ADD3: variants seen among roughly 807,000 people sequenced by gnomAD.
ADD3 encodes the protein gamma-adducin.
Under a neutral mutation model 80.2 loss-of-function variants are expected in ADD3, and 25 were observed. The ratio of observed to expected loss-of-function variants is 0.31; its 90% CI spans 0.23 to 0.44. ADD3 has a LOEUF of 0.44. Ranked by LOEUF, ADD3 falls within the 20% of genes least tolerant of loss-of-function variation. The pLI is 1.00. For missense variants in ADD3, 829 were observed against 847.5 expected (o/e 0.98, Z 0.27); for synonymous variants, 284 against 289.6 (o/e 0.98, Z 0.20).
chr10:110,035,922 C>T (rs1311793792), intron 1 of ADD3, among the ~76,000 whole-genome samples: 12 of 152,016 alleles, frequency 7.9e-5, no homozygotes, highest in South Asian at 6.2e-4. Context: ...GAGGCTGAAG[C>T]GGCAGATCAC....
At chr10:110,119,706 T>A in intron 8 of ADD3, 142 bp downstream of exon 8, 1 of 656,712 alleles carries the variant, frequency 1.5e-6, no homozygotes, top group South Asian at 2.0e-5. Context: ...TAGGCAGGGT[T>A]TTCAACTCAG....
chr10:110,035,651 G>A (rs1166450708), intron 1 of ADD3, among the ~76,000 whole-genome samples: 1 of 152,040 alleles, frequency 6.6e-6, no homozygotes, highest in Non-Finnish European at 1.5e-5. Context: ...AGCATGCATT[G>A]GAAGCACCTG....
chr10:110,026,199 C>G (rs1391034573), intron 1 of ADD3, among the ~76,000 whole-genome samples: 1 of 151,776 alleles, frequency 6.6e-6, no homozygotes, highest in Non-Finnish European at 1.5e-5. Context: ...AAATGAGAAA[C>G]AGTTCCACCC....
chr10:110,038,657 A>T (rs1855943604), intron 1 of ADD3, among the ~76,000 whole-genome samples: 1 of 152,300 alleles, frequency 6.6e-6, no homozygotes, highest in South Asian at 2.1e-4. Context: ...ACATATACAT[A>T]TATATGTTAA....
rs1843466541 is a variant in ADD3, at chr10:110,063,648, A to G, written c.-29-36977A>G. ...CTTTTAAATCACTTAATTTTTTCAG[A>G]TAAACTTTTAAATGCAAGTTTAACA... is the stretch of plus-strand genomic sequence containing the variant. On this transcript the variant is annotated intron_variant, in intron 1 of 14. Coordinates refer to ENST00000356080, the MANE Select transcript of ADD3 (RefSeq NM_016824.5). Among the ~76,000 whole-genome samples the G allele has an allele frequency of 4.0e-5, 6 of 149,108 alleles. No homozygotes were observed. The South Asian group carries it at 1.3e-3, about 32-fold the overall frequency.
chr10:110,038,469 A>G (rs1204978535), intron 1 of ADD3, among the ~76,000 whole-genome samples: 2 of 152,330 alleles, frequency 1.3e-5, no homozygotes, highest in East Asian at 1.9e-4. Context: ...ATTAAAACAT[A>G]TGTTTAACAT....
At chr10:110,016,028 C>T (rs922191343) in intron 1 of ADD3, among the ~76,000 whole-genome samples, 3 of 152,158 alleles carry the variant, frequency 2.0e-5, no homozygotes, top group African/African-American at 4.8e-5. Flanking sequence ...ATAATCTAAA[C>T]GTCCCTGTGC....
intron 1 of ADD3, among the ~76,000 whole-genome samples, chr10:110,048,670 A>G (rs1331019396): frequency 2.0e-5 from 3 of 152,228 alleles, no homozygotes; most frequent in South Asian, 4.1e-4. Flanking sequence ...AACTTGAGAA[A>G]GATAACTTAG....
At chr10:110,055,827 C>T (rs1470755534) in intron 1 of ADD3, among the ~76,000 whole-genome samples, 1 of 152,184 alleles carries the variant, frequency 6.6e-6, no homozygotes, top group Non-Finnish European at 1.5e-5. Flanking sequence ...AACTTGAAGA[C>T]ACTATGCTGA....
intron 3 of ADD3, among the ~76,000 whole-genome samples, chr10:110,114,137 G>T (rs950922377): frequency 6.6e-6 from 1 of 152,338 alleles, no homozygotes; most frequent in South Asian, 2.1e-4. Context: ...CATGGCAGGA[G>T]GAAAGCCATG....
At chr10:110,045,238 C>T (rs1379077271) in intron 1 of ADD3, among the ~76,000 whole-genome samples, 5 of 152,122 alleles carry the variant, frequency 3.3e-5, no homozygotes, top group Non-Finnish European at 7.4e-5. Context: ...CCTGTAGTCC[C>T]AGCTACTTGG....
chr10:110,115,951 C>G (rs1308161855), intron 3 of ADD3, among the ~76,000 whole-genome samples: 4 of 152,154 alleles, frequency 2.6e-5, no homozygotes, highest in African/African-American at 9.7e-5. Flanking sequence ...GTATTTAACA[C>G]TTTTACCCTC....
intron 1 of ADD3, among the ~76,000 whole-genome samples, chr10:110,013,619 G>A (rs1019119539): frequency 6.6e-6 from 1 of 152,162 alleles, no homozygotes; most frequent in African/African-American, 2.4e-5. Flanking sequence ...ATACGTTAAG[G>A]CAAGCAGTGG....
At chr10:110,036,890 C>G (rs541605377) in intron 1 of ADD3, among the ~76,000 whole-genome samples, 11 of 152,138 alleles carry the variant, frequency 7.2e-5, no homozygotes, top group Admixed American at 3.3e-4. Flanking sequence ...AGATCTTTTG[C>G]ATATTCCTCT....
intron 1 of ADD3, among the ~76,000 whole-genome samples, chr10:110,037,506 G>A (rs1855800447): frequency 6.6e-6 from 1 of 151,394 alleles, no homozygotes; most frequent in African/African-American, 2.4e-5. Flanking sequence ...TTGGAAAGCT[G>A]AGGCAGGAGA....
At chr10:110,040,563 T>C (rs1354970899) in intron 1 of ADD3, among the ~76,000 whole-genome samples, 4 of 152,200 alleles carry the variant, frequency 2.6e-5, no homozygotes, top group Non-Finnish European at 5.9e-5. Flanking sequence ...CGTGGAGACA[T>C]ATACATACCA....
chr10:110,063,780 T>TATATATATATAA (rs1554927136), intron 1 of ADD3, among the ~76,000 whole-genome samples: 4 of 112,578 alleles, frequency 3.6e-5, no homozygotes, highest in Non-Finnish European at 5.5e-5. Flanking sequence ...TATATATATA[T>TATATATATATAA]ATAAAGTGAA....
At chr10:110,007,743 G>A (rs1041144082), upstream of ADD3, among the ~76,000 whole-genome samples, 3 of 152,116 alleles carry the variant, frequency 2.0e-5, no homozygotes, top group South Asian at 2.1e-4. Flanking sequence ...TGCGGGGGCG[G>A]GACCAGGACT....
In ADD3 at chr10:110,126,416, G is replaced by C. The variant is rs746125871; in HGVS notation, c.1522-1G>C. 1.2e-6 allele frequency: 2 copies of C among 1,612,550 alleles called. No individual in the cohort carries two copies. Among genetic ancestry groups the C allele is most frequent in the Non-Finnish European group, 1.7e-6 (2 of 1,179,298 alleles). ...TTATATTGAATTGTTTTTCAATTCA[G>C]ATTCGGGAACAAAATCGATATGACT... On this transcript the variant is annotated splice_acceptor_variant, in intron 11 of 14. Coordinates refer to ENST00000356080, the MANE Select transcript of ADD3 (RefSeq NM_016824.5). LOFTEE classifies it high-confidence loss of function.
Sources: allele counts gnomAD v4.1 joint callset (sites outside exome capture counted in the v4.1 genomes callset), GRCh38; gene constraint gnomAD v4.1.1; transcripts MANE v1.5; gene names NCBI Gene and HGNC (gene_info 2026-07-23, HGNC 2026-07-21).